Variants in MTERF4 observed in about 807,000 individuals in gnomAD.
MTERF4 encodes mitochondrial transcription termination factor 4, also known as transcription termination factor 4, mitochondrial.
MTERF4 carries 17 observed loss-of-function variants against 22.5 expected under a neutral mutation model. The observed-to-expected ratio is 0.75, with a 90% CI of 0.52 to 1.13. The LOEUF (loss-of-function observed/expected upper bound fraction) is 1.13. MTERF4 is among the 50% of genes most tolerant of loss of function. MTERF4 has a pLI of 0.00. For missense variants in MTERF4, 420 were observed against 466.8 expected (o/e 0.90, Z 0.92); for synonymous variants, 165 against 175.3 (o/e 0.94, Z 0.47).
chr2:241,056,228 C>T, the MTERF4 span, among the ~76,000 whole-genome samples: 1 of 151,998 alleles, frequency 6.6e-6, no homozygotes, highest in African/African-American at 2.4e-5. Context: ...AAAAAAGTAA[C>T]AAAATAGAAA....
At chr2:241,094,369 G>A (rs539504497), downstream of MTERF4, 11 of 470,914 alleles carry the variant, frequency 2.3e-5, no homozygotes, top group South Asian at 4.6e-5. The surrounding 1 kb of genome is among the most constrained non-coding windows in gnomAD (Gnocchi z 4.3). Flanking sequence ...CGGAGTCACC[G>A]AGCTGCTTTT....
At chr2:241,077,021 G>T (rs1575088808) in intron 4 of MTERF4, among the ~76,000 whole-genome samples, 1 of 151,838 alleles carries the variant, frequency 6.6e-6, no homozygotes, top group East Asian at 1.9e-4. Flanking sequence ...GGAGCTTGCA[G>T]TGAGCTGAGA....
At chr2:241,049,724 G>A in the MTERF4 span, 19 of 888,980 alleles carry the variant, frequency 2.1e-5, no homozygotes, top group Middle Eastern at 3.1e-4. Context: ...AGGATGTCAG[G>A]GTAACCCTGG....
At chr2:241,065,986 G>T in the MTERF4 span, among the ~76,000 whole-genome samples, 1 of 152,138 alleles carries the variant, frequency 6.6e-6, no homozygotes, top group African/African-American at 2.4e-5. Flanking sequence ...TGCTCTGAAG[G>T]CCTGGGGAGA....
At chr2:241,057,636 A>T in the MTERF4 span, among the ~76,000 whole-genome samples, 1 of 151,922 alleles carries the variant, frequency 6.6e-6, no homozygotes, top group African/African-American at 2.4e-5. Flanking sequence ...GTGAGCTATG[A>T]TCATGCCACT....
chr2:241,060,654 CTA>C, the MTERF4 span, among the ~76,000 whole-genome samples: 2 of 151,932 alleles, frequency 1.3e-5, no homozygotes, highest in East Asian at 3.9e-4. Context: ...TAAAAAAAAA[CTA>C]TACAGGGCCG....
the MTERF4 span, among the ~76,000 whole-genome samples, chr2:241,057,216 T>C: frequency 7.9e-5 from 12 of 151,396 alleles, no homozygotes; most frequent in East Asian, 1.2e-3. Flanking sequence ...CCATCTCTAC[T>C]AAAAATACAA....
chr2:241,071,833 G>A (rs748699814), downstream of MTERF4: 109 of 1,604,090 alleles, frequency 6.8e-5, no homozygotes, highest in Non-Finnish European at 8.2e-5. Flanking sequence ...AAGAGTGAGC[G>A]CCAGGTTCGG....
the MTERF4 span, among the ~76,000 whole-genome samples, chr2:241,054,914 C>T: frequency 2.3e-4 from 35 of 152,166 alleles, no homozygotes; most frequent in South Asian, 3.1e-3. Context: ...GTCAGGAGTT[C>T]GAGACCAGCC....
chr2:241,100,384 C>A (rs930709764), intron 1 of MTERF4, among the ~76,000 whole-genome samples: 2 of 152,204 alleles, frequency 1.3e-5, no homozygotes, highest in Non-Finnish European at 2.9e-5. Context: ...ACCAAACTCT[C>A]CTTCACCTCC....
chr2:241,052,568 G>A, the MTERF4 span: 1 of 963,474 alleles, frequency 1.0e-6, no homozygotes, highest in Non-Finnish European at 1.6e-6. Context: ...ACCAGTGCCA[G>A]GCAGGTGAGA....
rs185968686 is a variant in MTERF4, at chr2:241,073,168, G to A, written n.2994C>T. ...AGCCTGGTCCCCACCAGGGACATCCGTGCTCCCTGAGATATAGAAGCACTC... is the reference window on the plus strand; with the variant it reads ...AGCCTGGTCCCCACCAGGGACATCCATGCTCCCTGAGATATAGAAGCACTC... On this transcript the variant is annotated non_coding_transcript_exon_variant, in exon 5 of 5. Transcript: ENST00000464344. This position sits in a 1 kb window ranked among gnomAD's most constrained non-coding sequence, Gnocchi z 6.6. 2.7e-3 allele frequency: 2,303 copies of A among 854,380 alleles called. 7 individuals are homozygous for A. The highest frequency in any genetic ancestry group is 3.5e-3 in the Non-Finnish European group (1,927 of 542,830). The allele number at this position is 854,380 out of a possible 1,614,324, so 52.9% of individuals were successfully genotyped here.
At chr2:241,064,014 G>T in the MTERF4 span, 8 of 1,552,162 alleles carry the variant, frequency 5.2e-6, no homozygotes, top group Non-Finnish European at 7.0e-6. The surrounding 1 kb of genome is among the most constrained non-coding windows in gnomAD (Gnocchi z 7.0). Context: ...TTCTCCAGAG[G>T]TGGACGCCTG....
At position 241,099,822 on chromosome 2, in the gene MTERF4, G is replaced by C. The variant is rs761781566; in HGVS notation, c.94C>G (p.Gln32Glu). The part of the protein sequence containing the change: ...MARQTPHLGE[Q>E]RRTTASLLRK... ...AACAAAGAAGCTGTCGTCCTTCTCT[G>C]TTCTCCAAGATGAGGAGTCTGCCTA... is the stretch of plus-strand genomic sequence containing the variant. The change falls in exon 2 of 4, where the codon CAG becomes GAG. Residue 32 changes from glutamine (Q) to glutamate (E), a missense_variant. By Grantham distance (29) the Gln-to-Glu change is conservative (BLOSUM62 2). Coordinates refer to ENST00000391980, the MANE Select transcript of MTERF4 (RefSeq NM_182501.4). 3 of 1,614,076 alleles carry C rather than the reference G, an allele frequency of 1.9e-6. No individual in the cohort carries two copies. The highest frequency in any genetic ancestry group is 1.1e-5 in the South Asian group (1 of 91,076).
At chr2:241,071,691 C>T (rs756242750), downstream of MTERF4, 129 of 1,531,818 alleles carry the variant, frequency 8.4e-5, 1 homozygote, top group East Asian at 9.0e-4. Context: ...ATGACCACAG[C>T]GCCCCCGAGA....
chr2:241,069,949 G>A (rs370723066), downstream of MTERF4: 107 of 1,612,774 alleles, frequency 6.6e-5, no homozygotes, highest in South Asian at 4.8e-4. The surrounding 1 kb of genome is among the most constrained non-coding windows in gnomAD (Gnocchi z 4.9). Context: ...CCTGACCGCC[G>A]CCCGAGTCAC....
chr2:241,073,616 GAGA>G lies in MTERF4; in HGVS notation n.2543_2545del. 1.8e-6 allele frequency: 1 copy of G among 542,896 alleles called. No homozygotes were observed. The allele number at this position is 542,896 out of a possible 1,614,324, so 33.6% of individuals were successfully genotyped here. On this transcript the variant is annotated non_coding_transcript_exon_variant, in exon 5 of 5. Transcript: ENST00000464344. The surrounding 1 kb of genome is among the most constrained non-coding windows in gnomAD (Gnocchi z 6.6). ...CAAACCACCCAGAGTCTGAGCTAGA[GAGA>G]CTGGCTTTGATGCTGCCTCCCCTCC...
chr2:241,064,976 TCCAGTGAGGGAG>T, the MTERF4 span: 1 of 1,542,168 alleles, frequency 6.5e-7, no homozygotes, highest in Non-Finnish European at 8.7e-7. The surrounding 1 kb of genome is among the most constrained non-coding windows in gnomAD (Gnocchi z 7.0). Context: ...CGAGGGCGCC[TCCAGTGAGGGAG>T]CCACGAGGGG....
At chr2:241,082,413 G>C (rs773335144), downstream of MTERF4, 5 of 1,459,804 alleles carry the variant, frequency 3.4e-6, no homozygotes, top group African/African-American at 5.6e-5. Flanking sequence ...GTGTGTTCTT[G>C]ACTCCTCAAA....
Sources: allele counts gnomAD v4.1 joint callset (sites outside exome capture counted in the v4.1 genomes callset), GRCh38; gene constraint gnomAD v4.1.1; non-coding constraint Gnocchi (gnomAD v3.1); transcripts MANE v1.5; gene names NCBI Gene and HGNC (gene_info 2026-07-23, HGNC 2026-07-21).